The following EEF1A2 variants were observed in gnomAD, a reference collection of about 807,000 sequenced individuals.
EEF1A2 encodes eukaryotic translation elongation factor 1 alpha 2.
A neutral mutation model predicts 39.3 loss-of-function variants in EEF1A2; 5 were observed. The ratio of observed to expected loss-of-function variants is 0.13; its 90% confidence interval spans 0.07 to 0.27. The LOEUF (loss-of-function observed/expected upper bound fraction) is 0.27, where lower values mean the gene tolerates loss of function less well. EEF1A2 is among the 10% of genes least tolerant of loss of function. The probability of loss-of-function intolerance (pLI) is 1.00; values close to 1 mark genes in which losing one functional copy is unlikely to be tolerated. For synonymous variants in EEF1A2, 287 were observed against 293.7 expected (o/e 0.98, Z 0.23); for missense variants, 218 against 681.4 (o/e 0.32, Z 7.57).
rs1478312220 is a variant in EEF1A2, at chr20:63,494,809, G to C, written c.617C>G (p.Pro206Arg). ...WHGDNMLEPS[P>R]NMPWFKGWKV... ...CCCGCCCTAGCCGCCACTCACGTTG[G>C]GGGAGGGCTCCAGCATGTTGTCACC... The change falls in exon 4 of 8, where the codon CCC (proline) becomes CGC (arginine). Residue 206 changes from proline to arginine, a missense_variant. Around this residue, in one of 4 missense-constraint regions of EEF1A2, gnomAD observed 79 missense variants for 172.3 expected, o/e 0.46. Coordinates refer to ENST00000217182, the MANE Select transcript of EEF1A2 (RefSeq NM_001958.5). 1 of 1,609,076 alleles carries C rather than the reference G, an allele frequency of 6.2e-7. No individual in the cohort carries two copies. The highest frequency in any genetic ancestry group is 8.5e-7 in the Non-Finnish European group (1 of 1,177,562).
In EEF1A2 at chr20:63,498,027, C is replaced by T. The variant is rs958235284; in HGVS notation, c.-71-193G>A. ...AAGCAGAGGCTGTGCACTGCCCCCA[C>T]CCCACACTTGAGCCCAAACAGCCCC... On this transcript the variant is annotated intron_variant, in intron 1 of 7. Transcript: ENST00000217182. This position sits in a 1 kb window ranked among gnomAD's most constrained non-coding sequence, Gnocchi z 4.1. 5.2e-5 allele frequency: 21 copies of T among 407,642 alleles called. No homozygotes were observed. The highest frequency in any genetic ancestry group is 3.9e-4 in the African/African-American group (19 of 49,084). 25.3% of individuals were successfully genotyped at this position (407,642 alleles called of 1,614,324 possible).
Position 63,488,379 on chromosome 20 carries a change from G to T in EEF1A2, c.1311C>A (p.Val437=). ...RDMRQTVAVG[V]IKNVEKKSGG... is the part of the protein sequence containing the mutation. ...CGCTCTTCTTCTCCACGTTCTTGAT[G>T]ACGCCTACGGCCACCGTCTGCCTCA... Residue 437 remains valine (V), a synonymous_variant, in exon 8 of 8, where the codon GTC becomes GTA. Coordinates refer to ENST00000217182, the MANE Select transcript of EEF1A2 (RefSeq NM_001958.5). The T allele has an allele frequency of 6.8e-7, 1 of 1,478,056 alleles. No individual in the cohort carries two copies. The highest frequency in any genetic ancestry group is 1.3e-5 in the South Asian group (1 of 77,796). 91.6% of individuals were successfully genotyped at this position (1,478,056 alleles called of 1,614,324 possible).
At position 63,497,771 on chromosome 20, in the gene EEF1A2, G is replaced by A. The variant is rs369501684; in HGVS notation, c.-8C>T. On this transcript the variant is annotated 5_prime_UTR_variant, in exon 2 of 8. Coordinates refer to ENST00000217182, the MANE Select transcript of EEF1A2 (RefSeq NM_001958.5). This position sits in a 1 kb window ranked among gnomAD's most constrained non-coding sequence, Gnocchi z 7.3. ...GGTCTTCTCCTTGCCCATTTTGCTG[G>A]GAGTGTGAGGGGCTGGCGGGACCCG... 1 of 1,610,868 alleles carries A rather than the reference G, an allele frequency of 6.2e-7. No homozygotes were observed. Among genetic ancestry groups the A allele is most frequent in the African/African-American group, 1.3e-5 (1 of 74,900 alleles).
chr20:63,495,758 C>T (rs1457979543), intron 3 of EEF1A2, 98 bp downstream of exon 3: 1 of 1,478,948 alleles, frequency 6.8e-7, no homozygotes, highest in Non-Finnish European at 9.1e-7. Flanking sequence ...ACAGGAAGCA[C>T]AGGAGACCCT....
Position 63,497,448 on chromosome 20 carries a change from G to A in EEF1A2, c.144+172C>T. The A allele has an allele frequency of 2.9e-6, 3 of 1,042,840 alleles. No individual in the cohort carries two copies. The highest frequency in any genetic ancestry group is 5.5e-5 in the East Asian group (2 of 36,570). 64.6% of individuals were successfully genotyped at this position (1,042,840 alleles called of 1,614,324 possible). ...CCCACCAAGCTCCCCCTAAGAGAGAGGCTGCCCCACCAGACCCTCTGAGGC... is the reference window on the plus strand; with the variant it reads ...CCCACCAAGCTCCCCCTAAGAGAGAAGCTGCCCCACCAGACCCTCTGAGGC... On this transcript the variant is annotated intron_variant, in intron 2 of 7. Coordinates refer to ENST00000217182, the MANE Select transcript of EEF1A2 (RefSeq NM_001958.5). This position sits in a 1 kb window ranked among gnomAD's most constrained non-coding sequence, Gnocchi z 7.3.
chr20:63,492,709 G>C (rs1382700874), intron 5 of EEF1A2, among the ~76,000 whole-genome samples: 1 of 149,560 alleles, frequency 6.7e-6, no homozygotes, highest in East Asian at 2.0e-4. Flanking sequence ...TGGATGGATG[G>C]ATGGAGAGGT....
chr20:63,489,439 G>A (rs142122947), intron 6 of EEF1A2, among the ~76,000 whole-genome samples: 345 of 152,308 alleles, frequency 2.3e-3, no homozygotes, highest in African/African-American at 7.4e-3. Flanking sequence ...GACAAAACTG[G>A]ACCTCAATTC....
rs1400135731 is a variant in EEF1A2 at position 63,496,098 on chromosome 20, G to A, written c.145-63C>T. 6.3e-6 allele frequency: 10 copies of A among 1,583,076 alleles called. No individual in the cohort carries two copies. The East Asian group carries it at 9.0e-5, about 14-fold the overall frequency. Reference sequence around the variant, plus strand: ...GGGACCCAGGAGTCCCTGGTGGTGCGAGCTGCTTGTTACAGCAGAGTGGCC... The same window carrying A: ...GGGACCCAGGAGTCCCTGGTGGTGCAAGCTGCTTGTTACAGCAGAGTGGCC... On this transcript the variant is annotated intron_variant, in intron 2 of 7. Transcript: ENST00000217182.
chr20:63,493,957 C>T (rs768899074), intron 4 of EEF1A2, among the ~76,000 whole-genome samples: 9 of 152,328 alleles, frequency 5.9e-5, no homozygotes, highest in Non-Finnish European at 1.3e-4. Flanking sequence ...GGGAGAGTGG[C>T]GTTCGCCACA....
chr20:63,492,552 A>ATG, intron 5 of EEF1A2, among the ~76,000 whole-genome samples: 1 of 56,172 alleles, frequency 1.8e-5, no homozygotes, highest in Admixed American at 2.0e-4. Flanking sequence ...ATGGATGGAT[A>ATG]GAGAGAAGGA....
At chr20:63,489,268 G>C in intron 6 of EEF1A2, 116 bp from the exon 7 acceptor site, 1 of 1,005,772 alleles carries the variant, frequency 9.9e-7, no homozygotes, top group Non-Finnish European at 1.4e-6. Flanking sequence ...CCTGGGCCCG[G>C]AGTGCTGACT....
chr20:63,490,284 C>T, intron 6 of EEF1A2, 195 bp downstream of exon 6: 2 of 655,730 alleles, frequency 3.1e-6, no homozygotes, highest in Non-Finnish European at 5.1e-6. Flanking sequence ...CCAGGATGGA[C>T]TTGATCTCTT....
chr20:63,495,837 C>T lies in EEF1A2; in HGVS notation c.324+19G>A, dbSNP rs765475849. On this transcript the variant is annotated intron_variant, in intron 3 of 7. Coordinates refer to ENST00000217182, the MANE Select transcript of EEF1A2 (RefSeq NM_001958.5). ...TGCAGCGGCCTCTCCCCCAGCCCCGCCTGCTGTGCCCTGCTCACCTGGGAT... is the reference window on the plus strand; with the variant it reads ...TGCAGCGGCCTCTCCCCCAGCCCCGTCTGCTGTGCCCTGCTCACCTGGGAT... The T allele has an allele frequency of 6.2e-7, 1 of 1,611,274 alleles. No homozygotes were observed. The highest frequency in any genetic ancestry group is 2.2e-5 in the East Asian group (1 of 44,848).
At chr20:63,488,475 C>G (rs527455556) in intron 7 of EEF1A2, 50 bp from the exon 8 acceptor site, 48 of 1,362,432 alleles carry the variant, frequency 3.5e-5, no homozygotes, top group African/African-American at 2.2e-4. Flanking sequence ...CTTGACCCCC[C>G]CCAACCCCAG....
chr20:63,494,617 C>T (rs1487963037), intron 4 of EEF1A2, among the ~76,000 whole-genome samples, 188 bp downstream of exon 4: 10 of 152,350 alleles, frequency 6.6e-5, no homozygotes, highest in East Asian at 1.9e-4. Flanking sequence ...GAGCAAAGCC[C>T]GGTGCTGAGG....
intron 6 of EEF1A2, among the ~76,000 whole-genome samples, chr20:63,489,592 G>A (rs1407934082): frequency 6.6e-6 from 1 of 152,282 alleles, no homozygotes; most frequent in East Asian, 1.9e-4. Flanking sequence ...AGACCGGCCT[G>A]GCCAACATGG....
Position 63,490,535 on chromosome 20 carries a change from C to T in EEF1A2, c.973G>A (p.Val325Met), listed in dbSNP as rs1180479513. 1 of 1,612,732 alleles carries T rather than the reference C, an allele frequency of 6.2e-7. No homozygotes were observed. Among genetic ancestry groups the T allele is most frequent in the Admixed American group, 1.7e-5 (1 of 60,034 alleles). The change falls in exon 6 of 8, where the codon GTG (valine) becomes ATG (methionine). Residue 325 changes from valine to methionine, a missense_variant. Val to Met is a conservative substitution (Grantham distance 21). Coordinates refer to ENST00000217182, the MANE Select transcript of EEF1A2 (RefSeq NM_001958.5). ...VSVKDIRRGN[V>M]CGDSKSDPPQ... is the part of the protein sequence containing the mutation. ...GGGTCAGACTTGCTGTCCCCACACA[C>T]GTTGCCCCGCCGGATGTCCTTCACC...
chr20:63,494,052 G>C (rs1256097398), intron 4 of EEF1A2, among the ~76,000 whole-genome samples: 1 of 152,204 alleles, frequency 6.6e-6, no homozygotes, highest in Non-Finnish European at 1.5e-5. Flanking sequence ...GTCCCTCCCA[G>C]TTCTGTCCCC....
At chr20:63,489,206 G>A (rs1480635903) in intron 6 of EEF1A2, 54 bp from the exon 7 acceptor site, 1 of 1,567,216 alleles carries the variant, frequency 6.4e-7, no homozygotes, top group African/African-American at 1.3e-5. Context: ...GGCACCGGGA[G>A]GGCGCCAGAG....
Sources: gnomAD v4.1 joint callset for allele counts (sites outside exome capture counted in the v4.1 genomes callset) on GRCh38, gnomAD v4.1.1 for gene constraint, gnomAD v4.1.1 regional missense constraint, Gnocchi (gnomAD v3.1) non-coding constraint, MANE v1.5 for transcripts, NCBI Gene and HGNC (gene_info 2026-07-23, HGNC 2026-07-21) for gene names.